Variants in SLC44A5 observed in about 807,000 individuals in gnomAD.
SLC44A5 encodes choline transporter-like protein 5.
Under a neutral mutation model 101.8 loss-of-function variants are expected in SLC44A5, and 57 were observed. The observed-to-expected ratio is 0.56, with a 90% CI of 0.45 to 0.70. The LOEUF is 0.70. SLC44A5 is among the 30% of genes least tolerant of loss of function. SLC44A5 has a pLI of 0.00. For missense variants in SLC44A5, 737 were observed against 853.1 expected (o/e 0.86, Z 1.70); for synonymous variants, 281 against 290.9 (o/e 0.97, Z 0.35).
intron 2 of SLC44A5, among the ~76,000 whole-genome samples, chr1:75,420,094 G>A (rs1391544598): frequency 6.6e-6 from 1 of 152,024 alleles, no homozygotes; most frequent in Non-Finnish European, 1.5e-5. Context: ...AGGAGAAATG[G>A]CTCATCCCTT....
Position 75,328,081 on chromosome 1 carries a change from A to C in SLC44A5, c.101+11501T>G, listed in dbSNP as rs573711195. Among the ~76,000 whole-genome samples, 6 of 152,214 alleles carry C rather than the reference A, an allele frequency of 3.9e-5. 1 individual carries two copies. Among genetic ancestry groups the C allele is most frequent in the Admixed American group, 3.3e-4 (5 of 15,282 alleles). Reference sequence around the variant, plus strand: ...CCCAGGGCCCCAGTCCACAGAAACTACCAGCTGCTTTCCATCCCTGCTGGC... The same window carrying C: ...CCCAGGGCCCCAGTCCACAGAAACTCCCAGCTGCTTTCCATCCCTGCTGGC... On this transcript the variant is annotated intron_variant, in intron 4 of 23. Transcript: ENST00000370859.
the SLC44A5 span, among the ~76,000 whole-genome samples, chr1:75,687,937 T>TC: frequency 1.3e-5 from 2 of 152,164 alleles, no homozygotes; most frequent in Non-Finnish European, 2.9e-5. Context: ...AGTTGTTATG[T>TC]CTCACTTTGA....
At chr1:75,309,708 A>G (rs189536542) in intron 4 of SLC44A5, among the ~76,000 whole-genome samples, 13 of 152,378 alleles carry the variant, frequency 8.5e-5, no homozygotes, top group Non-Finnish European at 1.6e-4. Context: ...TGGGTTGTCC[A>G]TAGCAAAGAA....
At chr1:75,322,869 G>A (rs1656273543) in intron 4 of SLC44A5, among the ~76,000 whole-genome samples, 1 of 152,152 alleles carries the variant, frequency 6.6e-6, no homozygotes, top group Non-Finnish European at 1.5e-5. Flanking sequence ...TTGTGACTAA[G>A]CTTTTTCATG....
chr1:75,255,923 A>C (rs150095515), intron 6 of SLC44A5, among the ~76,000 whole-genome samples: 11 of 152,260 alleles, frequency 7.2e-5, no homozygotes, highest in Non-Finnish European at 1.6e-4. Context: ...AAATATAAAA[A>C]GAGAAAAGAA....
the SLC44A5 span, among the ~76,000 whole-genome samples, chr1:75,684,353 C>T: frequency 1.7e-4 from 26 of 152,294 alleles, no homozygotes; most frequent in South Asian, 5.2e-3. Flanking sequence ...CCAATTATGC[C>T]TTCCCAACAG....
At chr1:75,477,345 C>A (rs999484447) in intron 2 of SLC44A5, among the ~76,000 whole-genome samples, 1 of 152,188 alleles carries the variant, frequency 6.6e-6, no homozygotes, top group Non-Finnish European at 1.5e-5. Flanking sequence ...AGAAGCAGAG[C>A]GCCTCTCCTC....
intron 6 of SLC44A5, among the ~76,000 whole-genome samples, chr1:75,271,445 A>C (rs1440731781): frequency 6.6e-6 from 1 of 150,906 alleles, no homozygotes; most frequent in Non-Finnish European, 1.5e-5. Flanking sequence ...TCACCTCCTC[A>C]TAGTCTCCCC....
chr1:75,313,766 T>G (rs1243089405), intron 4 of SLC44A5, among the ~76,000 whole-genome samples: 1 of 151,684 alleles, frequency 6.6e-6, no homozygotes, highest in Non-Finnish European at 1.5e-5. Flanking sequence ...AGAAAGAAAA[T>G]GAGAGGAAGC....
At chr1:75,677,363 T>C in the SLC44A5 span, among the ~76,000 whole-genome samples, 1 of 152,212 alleles carries the variant, frequency 6.6e-6, no homozygotes, top group African/African-American at 2.4e-5. Context: ...TGTTTTCTCT[T>C]TGCTTGTTTA....
the SLC44A5 span, among the ~76,000 whole-genome samples, chr1:75,679,481 T>G: frequency 4.6e-5 from 7 of 152,054 alleles, no homozygotes; most frequent in Non-Finnish European, 1.0e-4. Flanking sequence ...GAAAAGAATT[T>G]TCAACCCAGA....
intron 2 of SLC44A5, among the ~76,000 whole-genome samples, chr1:75,481,574 C>T (rs1036525268): frequency 3.3e-5 from 5 of 151,794 alleles, no homozygotes; most frequent in Admixed American, 2.0e-4. Context: ...AACAAACGAC[C>T]CCATCAAAAG....
At chr1:75,250,898 T>C (rs1649514233) in intron 7 of SLC44A5, among the ~76,000 whole-genome samples, 1 of 152,138 alleles carries the variant, frequency 6.6e-6, no homozygotes. Flanking sequence ...TAGCTTTACT[T>C]TTCCTAATAC....
chr1:75,723,155 G>A, the SLC44A5 span, among the ~76,000 whole-genome samples: 20 of 152,332 alleles, frequency 1.3e-4, no homozygotes, highest in East Asian at 3.3e-3. Flanking sequence ...ACCGGACACG[G>A]TAGTAGGGTG....
At position 75,455,420 on chromosome 1, in the gene SLC44A5, A is replaced by C. The variant is rs76158474; in HGVS notation, c.14-58799T>G. ...CTCAAACTATAAGAATCCTAGAAGA[A>C]AATTCAGACAAAACAATTCTGGACA... On this transcript the variant is annotated intron_variant, in intron 2 of 23. Coordinates refer to ENST00000370859, the MANE Select transcript of SLC44A5 (RefSeq NM_001130058.2). 4.8e-3 allele frequency among the ~76,000 whole-genome samples: 734 copies of C among 152,232 alleles called. 11 individuals are homozygous for C. The highest frequency in any genetic ancestry group is 0.017 in the African/African-American group (704 of 41,560).
intron 5 of SLC44A5, among the ~76,000 whole-genome samples, chr1:75,294,867 G>A (rs1653840997): frequency 6.6e-6 from 1 of 152,124 alleles, no homozygotes; most frequent in Non-Finnish European, 1.5e-5. Context: ...GTAGGTGCCA[G>A]GATCTGGGGG....
the SLC44A5 span, chr1:75,641,527 C>G: frequency 2.0e-6 from 3 of 1,486,780 alleles, no homozygotes; most frequent in Non-Finnish European, 2.8e-6. Flanking sequence ...CACTGACTGG[C>G]TTTTCTACAA....
At chr1:75,356,474 A>C (rs1462692175) in intron 3 of SLC44A5, among the ~76,000 whole-genome samples, 1 of 151,918 alleles carries the variant, frequency 6.6e-6, no homozygotes, top group Non-Finnish European at 1.5e-5. Context: ...AAAGAAAGAA[A>C]ATTTTTTTGT....
rs185941515 is a variant in SLC44A5, at chr1:75,426,663, T to C, written c.14-30042A>G. On this transcript the variant is annotated intron_variant, in intron 2 of 23. Transcript: ENST00000370859. Reference sequence around the variant, plus strand: ...CTCCATATGTGAAGAAGTAAGAGTCTACCTCCCACTGTAAAACTTAAAAAG... The same window carrying C: ...CTCCATATGTGAAGAAGTAAGAGTCCACCTCCCACTGTAAAACTTAAAAAG... Among the ~76,000 whole-genome samples the C allele has an allele frequency of 7.2e-4, 109 of 152,362 alleles. 1 individual carries two copies. The highest frequency in any genetic ancestry group is 2.5e-3 in the African/African-American group (104 of 41,576).
Sources: allele counts gnomAD v4.1 joint callset (sites outside exome capture counted in the v4.1 genomes callset), GRCh38; gene constraint gnomAD v4.1.1; transcripts MANE v1.5; gene names NCBI Gene and HGNC (gene_info 2026-07-23, HGNC 2026-07-21).